HNRNPC: variants seen among roughly 807,000 people sequenced by gnomAD.
The protein encoded by HNRNPC is heterogeneous nuclear ribonucleoproteins C1/C2.
In HNRNPC, 3 loss-of-function variants were observed where a neutral mutation model predicts 33.2. The observed-to-expected ratio is 0.09, with a 90% CI of 0.04 to 0.23. HNRNPC has a LOEUF of 0.23. Among genes scored for constraint, HNRNPC ranks in the 10% least tolerant of loss-of-function variants. The pLI, the probability that HNRNPC is intolerant of heterozygous loss-of-function variation, is 1.00. For missense variants in HNRNPC, 143 were observed against 366.7 expected, an observed-to-expected ratio of 0.39 and a Z score of 4.98; for synonymous variants, 121 against 126.7, an observed-to-expected ratio of 0.96 and a Z score of 0.30.
At chr14:21,258,304 C>A (rs1384106679) in intron 2 of HNRNPC, among the ~76,000 whole-genome samples, 1 of 151,804 alleles carries the variant, frequency 6.6e-6, no homozygotes, top group African/African-American at 2.4e-5. Flanking sequence ...GCACAAGAAT[C>A]GCTTGAACCC....
intron 3 of HNRNPC, among the ~76,000 whole-genome samples, chr14:21,232,762 C>A (rs1894254235): frequency 6.6e-6 from 1 of 152,184 alleles, no homozygotes; most frequent in Admixed American, 6.5e-5. Context: ...CAGGCCAGGT[C>A]CAATGGCTGA....
At chr14:21,212,502 A>T (rs1891724522) in intron 6 of HNRNPC, among the ~76,000 whole-genome samples, 1 of 152,068 alleles carries the variant, frequency 6.6e-6, no homozygotes, top group Non-Finnish European at 1.5e-5. Context: ...TGCAGTCTAG[A>T]ATTGGCCACT....
At chr14:21,227,302 T>C (rs917322777) in intron 5 of HNRNPC, among the ~76,000 whole-genome samples, 1 of 152,164 alleles carries the variant, frequency 6.6e-6, no homozygotes, top group Non-Finnish European at 1.5e-5. Context: ...TAAGTTCCCA[T>C]CATGTGGACA....
intron 2 of HNRNPC, among the ~76,000 whole-genome samples, chr14:21,238,971 AC>A (rs1390819077): frequency 1.3e-5 from 2 of 152,160 alleles, no homozygotes; most frequent in Non-Finnish European, 2.9e-5. Flanking sequence ...TACTAAAAAT[AC>A]AAAAATCAGC....
At chr14:21,241,257 C>CA (rs56033944) in intron 2 of HNRNPC, among the ~76,000 whole-genome samples, 32,533 of 93,572 alleles carry the variant, frequency 0.35, 5,369 homozygotes, top group East Asian at 0.45. Flanking sequence ...GACTATGTCT[C>CA]AAAAAAAAAA....
intron 2 of HNRNPC, among the ~76,000 whole-genome samples, chr14:21,237,161 A>C (rs1894787685): frequency 1.3e-5 from 2 of 152,226 alleles, no homozygotes; most frequent in South Asian, 2.1e-4. Flanking sequence ...AAGTCTCATA[A>C]GTAAACAAAC....
chr14:21,235,333 T>G, intron 2 of HNRNPC, among the ~76,000 whole-genome samples: 1 of 152,104 alleles, frequency 6.6e-6, no homozygotes, highest in East Asian at 1.9e-4. Context: ...AATCCTCAAG[T>G]GAATCATGAC....
intron 2 of HNRNPC, among the ~76,000 whole-genome samples, chr14:21,246,491 G>T (rs534377025): frequency 6.6e-6 from 1 of 151,768 alleles, no homozygotes; most frequent in South Asian, 2.1e-4. Flanking sequence ...GCGTGAACCC[G>T]GGAGGCAGAG....
At chr14:21,228,294 T>C (rs987024804) in intron 5 of HNRNPC, among the ~76,000 whole-genome samples, 1 of 152,238 alleles carries the variant, frequency 6.6e-6, no homozygotes. Flanking sequence ...CAAGGTCTGA[T>C]TGCAAAAATT....
At chr14:21,211,635 G>C (rs1891616897) in intron 7 of HNRNPC, 69 bp from the exon 8 acceptor site, 1 of 1,531,254 alleles carries the variant, frequency 6.5e-7, no homozygotes, top group South Asian at 1.2e-5. Context: ...TCCCCACTAA[G>C]GATCACAGAA....
chr14:21,247,898 A>G (rs1316368038), intron 2 of HNRNPC, among the ~76,000 whole-genome samples: 2 of 151,920 alleles, frequency 1.3e-5, no homozygotes, highest in Non-Finnish European at 2.9e-5. Context: ...GAGGCATGAG[A>G]AAGAATCGCC....
At chr14:21,216,888 A>C (rs1892252636) in intron 5 of HNRNPC, among the ~76,000 whole-genome samples, 2 of 152,236 alleles carry the variant, frequency 1.3e-5, no homozygotes, top group Non-Finnish European at 2.9e-5. Flanking sequence ...ACAATATGTC[A>C]AATTGTGACC....
At chr14:21,231,146 T>TA in intron 3 of HNRNPC, 74 bp from the exon 4 acceptor site, 1 of 1,439,478 alleles carries the variant, frequency 6.9e-7, no homozygotes. Flanking sequence ...TTATTTTTTT[T>TA]ATTTTTGAGA....
chr14:21,227,215 C>A (rs978626165), intron 5 of HNRNPC, among the ~76,000 whole-genome samples: 10 of 151,576 alleles, frequency 6.6e-5, no homozygotes, highest in African/African-American at 2.4e-4. Context: ...AACAAACACT[C>A]CTCCTCCTTT....
chr14:21,231,853 C>A (rs933327591), intron 3 of HNRNPC, among the ~76,000 whole-genome samples: 2 of 152,110 alleles, frequency 1.3e-5, no homozygotes, highest in Admixed American at 1.3e-4. Context: ...TCAGCTCATT[C>A]CGAATTATTA....
rs999701872 is a variant in HNRNPC at position 21,269,335 on chromosome 14, C to T, written c.-100G>A. On this transcript the variant is annotated 5_prime_UTR_variant, in exon 1 of 9. Transcript: ENST00000553300. ...GGAGAAGAGATTCGATTCTGAGTCT[C>T]CTACTCCCGGGTTCTGCGTAGAGAA... is the stretch of plus-strand genomic sequence containing the variant. The T allele has an allele frequency of 1.3e-5, 2 of 154,012 alleles. No individual in the cohort carries two copies. The highest frequency in any genetic ancestry group is 2.4e-5 in the African/African-American group (1 of 41,464). 9.5% of individuals were successfully genotyped at this position (154,012 alleles called of 1,614,324 possible).
intron 5 of HNRNPC, among the ~76,000 whole-genome samples, chr14:21,221,920 G>A (rs1892865941): frequency 6.6e-6 from 1 of 151,454 alleles, no homozygotes; most frequent in Admixed American, 6.6e-5. Flanking sequence ...GTGGTGGCGG[G>A]CACCTGTAGT....
At chr14:21,266,412 T>A (rs1394592831) in intron 1 of HNRNPC, among the ~76,000 whole-genome samples, 1 of 152,106 alleles carries the variant, frequency 6.6e-6, no homozygotes, top group African/African-American at 2.4e-5. Context: ...GAATCAATTC[T>A]TTAAACAAAA....
At chr14:21,231,326 A>C (rs752864252) in intron 3 of HNRNPC, 3 of 584,490 alleles carry the variant, frequency 5.1e-6, no homozygotes, top group Non-Finnish European at 9.6e-6. Context: ...TTAGAAAATC[A>C]CACAGACACA....
Sources: allele counts gnomAD v4.1 joint callset (sites outside exome capture counted in the v4.1 genomes callset), GRCh38; gene constraint gnomAD v4.1.1; transcripts MANE v1.5; gene names NCBI Gene and HGNC (gene_info 2026-07-23, HGNC 2026-07-21).